Variants in ACTR3C observed in about 807,000 individuals in gnomAD.
The protein encoded by ACTR3C is actin-related protein 3C.
ACTR3C carries 18 observed loss-of-function variants against 26.3 expected under a neutral mutation model. That is an observed-to-expected ratio of 0.68 (90% CI 0.47 to 1.01). The LOEUF (loss-of-function observed/expected upper bound fraction) is 1.01. Ranked by LOEUF, ACTR3C falls within the 50% of genes least tolerant of loss-of-function variation. The probability of loss-of-function intolerance (pLI) is 0.00; values close to 1 mark genes in which losing one functional copy is unlikely to be tolerated. For synonymous variants in ACTR3C, 55 were observed against 94.5 expected (o/e 0.58, Z 2.42); for missense variants, 184 against 250.7 (o/e 0.73, Z 1.80).
At chr7:150,006,452 C>T in the ACTR3C span, among the ~76,000 whole-genome samples, 3 of 149,066 alleles carry the variant, frequency 2.0e-5, no homozygotes, top group African/African-American at 7.5e-5. Flanking sequence ...CCGCCTCGGC[C>T]TCCCAAAGTG....
chr7:150,259,192 T>C lies in ACTR3C; in HGVS notation c.565-10138A>G, dbSNP rs543991241. 2.1e-4 allele frequency among the ~76,000 whole-genome samples: 29 copies of C among 140,226 alleles called. No homozygotes were observed. In the South Asian group the frequency reaches 6.5e-3, roughly 31 times the overall value. 92.0% of individuals were successfully genotyped at this position (140,226 alleles called of 152,430 possible). A position where few individuals can be genotyped will look rare whatever the true frequency, so the allele number is the denominator to read the frequency against. ...AATATCTTCACAAACACAATGAGAA[T>C]CTCAGAAGCTATAGAATGTCTGACA... is the stretch of plus-strand genomic sequence containing the variant. On this transcript the variant is annotated intron_variant, in intron 6 of 7. Transcript: ENST00000683684.
At chr7:150,086,094 G>C in the ACTR3C span, among the ~76,000 whole-genome samples, 2 of 145,064 alleles carry the variant, frequency 1.4e-5, no homozygotes, top group African/African-American at 5.0e-5. Flanking sequence ...AGCGATTCTC[G>C]TGCCTCAGCC....
the ACTR3C span, among the ~76,000 whole-genome samples, chr7:150,149,500 C>T: frequency 8.3e-6 from 1 of 120,406 alleles, no homozygotes; most frequent in Non-Finnish European, 1.7e-5. Context: ...CCCCCTCCCC[C>T]CACCCCACAA....
At chr7:150,200,418 T>C in the ACTR3C span, among the ~76,000 whole-genome samples, 1 of 147,282 alleles carries the variant, frequency 6.8e-6, no homozygotes, top group Admixed American at 6.6e-5. Flanking sequence ...CTTTTCAAAA[T>C]ATATTTAAAA....
the ACTR3C span, among the ~76,000 whole-genome samples, chr7:150,219,699 T>G: frequency 7.1e-6 from 1 of 141,380 alleles, no homozygotes; most frequent in Non-Finnish European, 1.5e-5. Context: ...CCACTCCCCT[T>G]TCTCTGAACG....
the ACTR3C span, among the ~76,000 whole-genome samples, chr7:150,179,153 C>T: frequency 6.9e-6 from 1 of 145,252 alleles, no homozygotes; most frequent in African/African-American, 2.8e-5. Flanking sequence ...TAATGTCTAC[C>T]AAATAACCTA....
chr7:150,291,170 C>G (rs1351498032), intron 3 of ACTR3C, among the ~76,000 whole-genome samples: 1 of 152,220 alleles, frequency 6.6e-6, no homozygotes, highest in East Asian at 1.9e-4. Context: ...GTGGCTCACG[C>G]CTGTAATCCC....
At chr7:150,101,695 A>T in the ACTR3C span, among the ~76,000 whole-genome samples, 1 of 151,530 alleles carries the variant, frequency 6.6e-6, no homozygotes, top group African/African-American at 2.4e-5. Context: ...TGAGAGTCTC[A>T]CAGAAGCTCT....
the ACTR3C span, among the ~76,000 whole-genome samples, chr7:149,972,572 C>T: frequency 6.6e-6 from 1 of 152,150 alleles, no homozygotes; most frequent in Non-Finnish European, 1.5e-5. Context: ...TGCTCTCACC[C>T]TCCTCCCCTG....
chr7:150,063,490 C>G, the ACTR3C span, among the ~76,000 whole-genome samples: 2 of 151,274 alleles, frequency 1.3e-5, no homozygotes, highest in Admixed American at 6.6e-5. Flanking sequence ...TCTCTCCTCT[C>G]TGGTTCCTGG....
At chr7:150,143,825 C>T in the ACTR3C span, among the ~76,000 whole-genome samples, 1 of 152,242 alleles carries the variant, frequency 6.6e-6, no homozygotes, top group African/African-American at 2.4e-5. Flanking sequence ...GCACCCCTGA[C>T]TCCCATTGGC....
the ACTR3C span, among the ~76,000 whole-genome samples, chr7:150,183,818 T>C: frequency 8.9e-3 from 1,333 of 149,904 alleles, 104 homozygotes; most frequent in African/African-American, 0.033. Context: ...ATCCCCATAA[T>C]TGTGTCAAGG....
chr7:150,291,228 C>T (rs1232110504), intron 3 of ACTR3C, among the ~76,000 whole-genome samples: 3 of 152,140 alleles, frequency 2.0e-5, no homozygotes, highest in South Asian at 4.1e-4. Context: ...GTCGGCAGTT[C>T]GAGACCAGCC....
chr7:149,974,682 T>C, the ACTR3C span, among the ~76,000 whole-genome samples: 1 of 152,178 alleles, frequency 6.6e-6, no homozygotes, highest in Admixed American at 6.5e-5. Context: ...AGGTAATTAC[T>C]GTCAAACCAA....
chr7:149,883,755 G>A, the ACTR3C span, among the ~76,000 whole-genome samples: 12 of 152,158 alleles, frequency 7.9e-5, no homozygotes, highest in African/African-American at 2.7e-4. Context: ...TGGAGGAAAC[G>A]CCCTTCAGGA....
the ACTR3C span, among the ~76,000 whole-genome samples, chr7:149,939,208 G>A: frequency 1.3e-5 from 2 of 152,168 alleles, no homozygotes; most frequent in African/African-American, 2.4e-5. Context: ...TCGAACTCCC[G>A]ACCTCAGGTG....
chr7:150,174,931 ATCAGTAGAT>A, the ACTR3C span, among the ~76,000 whole-genome samples: 1 of 144,462 alleles, frequency 6.9e-6, no homozygotes, highest in Non-Finnish European at 1.5e-5. Flanking sequence ...TCCCAAATTG[ATCAGTAGAT>A]TCAACCTAAT....
chr7:149,974,801 T>C, the ACTR3C span, among the ~76,000 whole-genome samples: 1 of 151,590 alleles, frequency 6.6e-6, no homozygotes, highest in Non-Finnish European at 1.5e-5. Flanking sequence ...TAAGATATTT[T>C]AGTTGAAGAG....
the ACTR3C span, among the ~76,000 whole-genome samples, chr7:150,173,311 C>T: frequency 6.1e-5 from 9 of 146,732 alleles, no homozygotes; most frequent in African/African-American, 1.1e-4. Context: ...GTGCATTTGC[C>T]GGCTCAACAC....
Sources: gnomAD v4.1 joint callset for allele counts (sites outside exome capture counted in the v4.1 genomes callset) on GRCh38, gnomAD v4.1.1 for gene constraint, MANE v1.5 for transcripts, NCBI Gene and HGNC (gene_info 2026-07-23, HGNC 2026-07-21) for gene names.